NUCB2: variants seen among roughly 807,000 people sequenced by gnomAD.
NUCB2 encodes the protein nucleobindin 2.
In NUCB2, 48 loss-of-function variants were observed where a neutral mutation model predicts 57.9. That is an observed-to-expected ratio of 0.83 (90% CI 0.66 to 1.05). NUCB2 has a LOEUF of 1.05. Among genes scored for constraint, NUCB2 ranks in the 50% least tolerant of loss-of-function variants. NUCB2 has a pLI of 0.00. For synonymous variants in NUCB2, 139 were observed against 152.1 expected (o/e 0.91, Z 0.64); for missense variants, 442 against 476.2 (o/e 0.93, Z 0.67).
chr11:17,329,466 G>C (rs548538589), intron 11 of NUCB2, among the ~76,000 whole-genome samples: 1 of 152,362 alleles, frequency 6.6e-6, no homozygotes, highest in African/African-American at 2.4e-5. Context: ...AGTGCCCATT[G>C]CTGGGATGGG....
chr11:17,309,545 A>T, intron 5 of NUCB2, 27 bp from the exon 6 acceptor site: 1 of 1,234,946 alleles, frequency 8.1e-7, no homozygotes, highest in Non-Finnish European at 1.1e-6. Context: ...GAAATTGATC[A>T]TTTACAGTTT....
At chr11:17,290,112 A>G (rs1944670956) in intron 2 of NUCB2, among the ~76,000 whole-genome samples, 1 of 152,218 alleles carries the variant, frequency 6.6e-6, no homozygotes, top group South Asian at 2.1e-4. Context: ...CTTCCTGTCT[A>G]GAGTCAGGTA....
chr11:17,288,963 AT>A lies in NUCB2; in HGVS notation c.-1+6032del, dbSNP rs1555071216. Among the ~76,000 whole-genome samples the A allele has an allele frequency of 7.6e-4, 52 of 68,090 alleles. 2 individuals are homozygous for A. Among genetic ancestry groups the A allele is most frequent in the African/African-American group, 3.0e-3 (43 of 14,494 alleles). 44.7% of individuals were successfully genotyped at this position (68,090 alleles called of 152,430 possible). On this transcript the variant is annotated intron_variant, in intron 2 of 13. Coordinates refer to ENST00000529010, the MANE Select transcript of NUCB2 (RefSeq NM_005013.4). ...CACACACACACACATATATATATAT[AT>A]TTTTTTTTTTTGAGATGGAGTTTTG... is the stretch of plus-strand genomic sequence containing the variant.
intron 2 of NUCB2, among the ~76,000 whole-genome samples, chr11:17,340,357 G>C (rs1380441660): frequency 6.6e-6 from 1 of 152,162 alleles, no homozygotes; most frequent in Non-Finnish European, 1.5e-5. Flanking sequence ...AGTTTAATTA[G>C]ATCCCATTTG....
At chr11:17,294,549 G>T (rs1945484030) in intron 2 of NUCB2, among the ~76,000 whole-genome samples, 1 of 151,942 alleles carries the variant, frequency 6.6e-6, no homozygotes, top group Non-Finnish European at 1.5e-5. Context: ...TAAGGGAATT[G>T]GTTTAATTAT....
Position 17,311,281 on chromosome 11 carries a change from A to G in NUCB2, c.758A>G (p.His253Arg), listed in dbSNP as rs1432484601. Reference sequence around the variant, plus strand: ...GACCCCAAGACATTTTTCAAATTACATGGTAACGATTTGATACAAATATTA... The same window carrying G: ...GACCCCAAGACATTTTTCAAATTACGTGGTAACGATTTGATACAAATATTA... The part of the protein sequence containing the change: ...DFDPKTFFKL[H>R]DVNSDGFLDE... The change falls in exon 8 of 14, where the codon CAT becomes CGT. Residue 253 changes from histidine (H) to arginine (R), a missense_variant and splice_region_variant. His to Arg is a conservative substitution (Grantham distance 29, BLOSUM62 0). Coordinates refer to ENST00000529010, the MANE Select transcript of NUCB2 (RefSeq NM_005013.4). 7.0e-6 allele frequency: 11 copies of G among 1,581,660 alleles called. No homozygotes were observed. The highest frequency in any genetic ancestry group is 3.4e-5 in the South Asian group (3 of 88,982).
At chr11:17,288,427 A>T (rs539064943) in intron 2 of NUCB2, among the ~76,000 whole-genome samples, 1 of 152,264 alleles carries the variant, frequency 6.6e-6, no homozygotes, top group South Asian at 2.1e-4. Context: ...TCCTGGGTTC[A>T]AGCAGTCTTC....
chr11:17,291,186 G>T (rs996945440), intron 2 of NUCB2: 1 of 151,782 alleles, frequency 6.6e-6, no homozygotes, highest in Non-Finnish European at 1.5e-5. Flanking sequence ...GTGTCCTCTT[G>T]CTTCTGGCTG....
In NUCB2 at chr11:17,330,115, T is replaced by G; in HGVS notation, c.1003-12T>G. The G allele has an allele frequency of 1.5e-6, 2 of 1,372,442 alleles. No individual in the cohort carries two copies. The highest frequency in any genetic ancestry group is 2.0e-6 in the Non-Finnish European group (2 of 997,476). 85.0% of individuals were successfully genotyped at this position (1,372,442 alleles called of 1,614,324 possible). ...TTTTGAGATTATTCTTTCCTCATTTTTTTTCTTTTAGACATTAGATCAGCA... is the reference window on the plus strand; with the variant it reads ...TTTTGAGATTATTCTTTCCTCATTTGTTTTCTTTTAGACATTAGATCAGCA... On this transcript the variant is annotated splice_polypyrimidine_tract_variant and intron_variant, in intron 11 of 13. Coordinates refer to ENST00000529010, the MANE Select transcript of NUCB2 (RefSeq NM_005013.4). The surrounding 1 kb of genome is among the most constrained non-coding windows in gnomAD (Gnocchi z 4.3).
At chr11:17,348,317 G>GTTTTTTTTTTTTTTTT (rs1191104686) in intron 2 of NUCB2, among the ~76,000 whole-genome samples, 1 of 55,704 alleles carries the variant, frequency 1.8e-5, no homozygotes, top group Non-Finnish European at 3.1e-5. Flanking sequence ...GTTTGTTTTT[G>GTTTTTTTTTTTTTTTT]TGTTTTTTTT....
intron 11 of NUCB2, among the ~76,000 whole-genome samples, chr11:17,321,537 A>T (rs182130462): frequency 6.6e-6 from 1 of 152,136 alleles, no homozygotes; most frequent in South Asian, 2.1e-4. Context: ...AATCTTAGCT[A>T]TTGTGAACAG....
At chr11:17,341,869 T>C (rs1304878069) in intron 2 of NUCB2, among the ~76,000 whole-genome samples, 1 of 152,238 alleles carries the variant, frequency 6.6e-6, no homozygotes, top group African/African-American at 2.4e-5. Flanking sequence ...TTCTATTGAT[T>C]GGAATAGTTT....
intron 11 of NUCB2, among the ~76,000 whole-genome samples, chr11:17,316,517 A>G (rs1274187251): frequency 1.3e-5 from 2 of 152,168 alleles, no homozygotes; most frequent in Non-Finnish European, 2.9e-5. Context: ...CACTATGATG[A>G]CTATCTGTTT....
intron 2 of NUCB2, among the ~76,000 whole-genome samples, chr11:17,288,444 C>A (rs1377561647): frequency 6.6e-6 from 1 of 152,118 alleles, no homozygotes; most frequent in Non-Finnish European, 1.5e-5. Flanking sequence ...CTTCTTACCT[C>A]AGCTTCCTGA....
intron 2 of NUCB2, among the ~76,000 whole-genome samples, chr11:17,283,956 G>A (rs1049222655): frequency 5.9e-5 from 9 of 152,008 alleles, no homozygotes; most frequent in Admixed American, 3.3e-4. Flanking sequence ...ACTGTTAGTT[G>A]TCTTGAAATT....
intron 13 of NUCB2, 61 bp from the exon 14 acceptor site, chr11:17,331,350 AG>A: frequency 2.1e-6 from 2 of 960,256 alleles, no homozygotes; most frequent in Non-Finnish European, 3.0e-6. Flanking sequence ...TTGTATATGA[AG>A]GAACATTTAG....
downstream of NUCB2, chr11:17,333,355 G>C (rs1044300502): frequency 1.3e-5 from 2 of 152,122 alleles, no homozygotes; most frequent in African/African-American, 4.8e-5. Flanking sequence ...GGCAGGCTTG[G>C]GAATTAGAGT....
In NUCB2 at chr11:17,310,697, A is replaced by C. The variant is rs1591435683; in HGVS notation, c.484-128A>C. 6.8e-6 allele frequency: 4 copies of C among 584,728 alleles called. No homozygotes were observed. The East Asian group carries it at 9.8e-5, about 14-fold the overall frequency. 36.2% of individuals were successfully genotyped at this position (584,728 alleles called of 1,614,324 possible). On this transcript the variant is annotated intron_variant, in intron 6 of 13. Transcript: ENST00000529010. The stretch of plus-strand genomic sequence containing the variant: ...AAATGAAATGGTAGAATTTAAAAAG[A>C]GGAGTCCAGTATGTTTTTGCCCTCC...
chr11:17,313,620 G>A (rs1422440755), intron 10 of NUCB2, among the ~76,000 whole-genome samples: 1 of 152,050 alleles, frequency 6.6e-6, no homozygotes, highest in African/African-American at 2.4e-5. Context: ...TTCTCTTCAA[G>A]GAGTTGTCTA....
Sources: allele counts gnomAD v4.1 joint callset (sites outside exome capture counted in the v4.1 genomes callset), GRCh38; gene constraint gnomAD v4.1.1; non-coding constraint Gnocchi (gnomAD v3.1); transcripts MANE v1.5; gene names NCBI Gene and HGNC (gene_info 2026-07-23, HGNC 2026-07-21).